The following ARL6IP6 variants were observed in gnomAD, a reference collection of about 807,000 sequenced individuals.
ARL6IP6 encodes the protein ADP-ribosylation factor-like protein 6-interacting protein 6.
In ARL6IP6, 22 loss-of-function variants were observed where a neutral mutation model predicts 21.5. The observed-to-expected ratio is 1.02, with a 90% CI of 0.73 to 1.46. ARL6IP6 has a LOEUF of 1.46. Among genes scored for constraint, ARL6IP6 ranks in the 40% most tolerant of loss-of-function variants. The pLI is 0.00. For synonymous variants in ARL6IP6, 164 were observed against 125.3 expected, an observed-to-expected ratio of 1.31 and a Z score of -2.06; for missense variants, 388 against 299.8, an observed-to-expected ratio of 1.29 and a Z score of -2.17.
intron 2 of ARL6IP6, among the ~76,000 whole-genome samples, chr2:152,725,352 AG>A (rs1285668819): frequency 6.6e-6 from 1 of 152,230 alleles, no homozygotes; most frequent in Non-Finnish European, 1.5e-5. Flanking sequence ...TTAGGATTCC[AG>A]TAAGACTTTC....
intron 3 of ARL6IP6, among the ~76,000 whole-genome samples, chr2:152,756,814 C>T (rs912918121): frequency 2.6e-5 from 4 of 152,098 alleles, no homozygotes; most frequent in South Asian, 2.1e-4. Context: ...TAAACTCATA[C>T]GTTGATAGTG....
intron 3 of ARL6IP6, among the ~76,000 whole-genome samples, chr2:152,755,809 T>A (rs1474427481): frequency 6.6e-6 from 1 of 152,206 alleles, no homozygotes; most frequent in East Asian, 1.9e-4. Flanking sequence ...CTTTGTCTTG[T>A]GTCTTTATTT....
chr2:152,718,671 G>A lies in ARL6IP6; in HGVS notation c.47G>A (p.Gly16Asp). The change falls in exon 1 of 4, where the codon GGT (glycine) becomes GAT (aspartate). Residue 16 changes from glycine to aspartate, a missense_variant. Physicochemically the swap from Gly to Asp is moderately conservative, Grantham distance 94 (BLOSUM62 -1). Coordinates refer to ENST00000326446, the MANE Select transcript of ARL6IP6 (RefSeq NM_152522.7). ...SGWRSALRRR[G>D]PGTPGPVARP... ...TGGCGGTCGGCTCTGCGGCGCCGCG[G>A]TCCCGGCACCCCGGGCCCTGTGGCT... 1 of 1,574,838 alleles carries A rather than the reference G, an allele frequency of 6.3e-7. No individual in the cohort carries two copies. The highest frequency in any genetic ancestry group is 1.2e-5 in the South Asian group (1 of 86,342).
chr2:152,740,820 A>G (rs939659243), intron 3 of ARL6IP6, among the ~76,000 whole-genome samples: 1 of 152,132 alleles, frequency 6.6e-6, no homozygotes, highest in Non-Finnish European at 1.5e-5. Context: ...ATACCCAAAT[A>G]TAAGTGAAAT....
chr2:152,719,039 G>T lies in ARL6IP6; in HGVS notation c.400+15G>T, dbSNP rs1699518284. ...GATCGTTAAAGGTATTGAAGCCGAC[G>T]CCTTGAAAGTCTGTCCAGAGTAAAG... On this transcript the variant is annotated intron_variant, in intron 1 of 3. Coordinates refer to ENST00000326446, the MANE Select transcript of ARL6IP6 (RefSeq NM_152522.7). 1.3e-6 allele frequency: 2 copies of T among 1,521,292 alleles called. No homozygotes were observed. Among genetic ancestry groups the T allele is most frequent in the East Asian group, 2.4e-5 (1 of 42,520 alleles). The allele number at this position is 1,521,292 out of a possible 1,614,324, so 94.2% of individuals were successfully genotyped here. A position where few individuals can be genotyped will look rare whatever the true frequency, so the allele number is the denominator to read the frequency against.
chr2:152,735,217 T>C, intron 3 of ARL6IP6, 91 bp downstream of exon 3: 1 of 1,422,490 alleles, frequency 7.0e-7, no homozygotes, highest in East Asian at 2.3e-5. Flanking sequence ...GATCGTGAGG[T>C]ATGTTGAGGT....
At chr2:152,743,933 AC>A (rs1358088143) in intron 3 of ARL6IP6, among the ~76,000 whole-genome samples, 15 of 152,284 alleles carry the variant, frequency 9.9e-5, no homozygotes, top group Admixed American at 7.2e-4. Context: ...TCTTGCAGTC[AC>A]AGCATTGTAG....
chr2:152,732,250 T>C (rs997427732), intron 2 of ARL6IP6, among the ~76,000 whole-genome samples: 1 of 152,088 alleles, frequency 6.6e-6, no homozygotes, highest in African/African-American at 2.4e-5. Context: ...TTTTAACAGA[T>C]ACTGCCAAAC....
chr2:152,730,862 G>A (rs1041426219), intron 2 of ARL6IP6, among the ~76,000 whole-genome samples: 7 of 152,170 alleles, frequency 4.6e-5, no homozygotes, highest in Non-Finnish European at 8.8e-5. Flanking sequence ...TCCCTGTGTG[G>A]TTTTGCATGG....
At chr2:152,741,864 A>G (rs80031519) in intron 3 of ARL6IP6, among the ~76,000 whole-genome samples, 2,240 of 152,332 alleles carry the variant, frequency 0.015, 17 homozygotes, top group Non-Finnish European at 0.023. Context: ...GTCAATTAGT[A>G]AGCTATCCTT....
chr2:152,717,948 G>A (rs1359875546), upstream of ARL6IP6: 3 of 1,007,848 alleles, frequency 3.0e-6, no homozygotes, highest in African/African-American at 5.2e-5. Context: ...GGCGGGGAAG[G>A]CGAAAGGAGG....
chr2:152,720,145 T>A (rs1253127519), intron 1 of ARL6IP6: 1 of 327,516 alleles, frequency 3.1e-6, no homozygotes, highest in African/African-American at 2.2e-5. Flanking sequence ...TATTTCTGTT[T>A]TGCTCGGAGA....
intron 1 of ARL6IP6, 27 bp downstream of exon 1, chr2:152,719,051 T>G (rs765696887): frequency 4.0e-6 from 6 of 1,496,874 alleles, no homozygotes; most frequent in Non-Finnish European, 4.4e-6. Flanking sequence ...CTTGAAAGTC[T>G]GTCCAGAGTA....
chr2:152,718,065 G>A, upstream of ARL6IP6: 7 of 994,762 alleles, frequency 7.0e-6, no homozygotes, highest in Non-Finnish European at 8.4e-6. Context: ...CGGGTGGGGA[G>A]AACCACACTA....
At chr2:152,725,885 T>C (rs35754252) in intron 2 of ARL6IP6, among the ~76,000 whole-genome samples, 21,949 of 152,220 alleles carry the variant, frequency 0.14, 1,734 homozygotes, top group Middle Eastern at 0.24. Context: ...GTTTTTTTCC[T>C]GCTGTCTTTT....
chr2:152,725,297 T>A (rs1447069790), intron 2 of ARL6IP6, among the ~76,000 whole-genome samples: 1 of 152,230 alleles, frequency 6.6e-6, no homozygotes, highest in Non-Finnish European at 1.5e-5. Context: ...GTATTACTCA[T>A]CAATTCTCAA....
intron 2 of ARL6IP6, among the ~76,000 whole-genome samples, chr2:152,729,196 C>A (rs1431223664): frequency 1.3e-5 from 2 of 152,062 alleles, no homozygotes; most frequent in African/African-American, 2.4e-5. Flanking sequence ...ATGGTGAAAC[C>A]CTGTGTCTAC....
intron 3 of ARL6IP6, among the ~76,000 whole-genome samples, chr2:152,737,597 C>T (rs565569680): frequency 7.9e-5 from 12 of 152,102 alleles, no homozygotes; most frequent in African/African-American, 2.4e-4. Flanking sequence ...TGGTAGAAGG[C>T]CAAGGAGGAA....
chr2:152,718,428 T>C, upstream of ARL6IP6: 4 of 695,464 alleles, frequency 5.8e-6, no homozygotes, highest in Non-Finnish European at 8.4e-6. Context: ...GGTCGAGCTC[T>C]GGTCGAAGCG....
Sources: allele counts gnomAD v4.1 joint callset (sites outside exome capture counted in the v4.1 genomes callset), GRCh38; gene constraint gnomAD v4.1.1; transcripts MANE v1.5; gene names NCBI Gene and HGNC (gene_info 2026-07-23, HGNC 2026-07-21).